ASIC5: variants seen among roughly 807,000 people sequenced by gnomAD.
The protein encoded by ASIC5 is acid sensing ion channel subunit family member 5, also known as bile acid-sensitive ion channel.
A neutral mutation model predicts 51.2 loss-of-function variants in ASIC5; 52 were observed. That is an observed-to-expected ratio of 1.02 (90% CI 0.81 to 1.28). The LOEUF is 1.28. ASIC5 is among the 50% of genes most tolerant of loss of function. The probability of loss-of-function intolerance (pLI) is 0.00; values close to 1 mark genes in which losing one functional copy is unlikely to be tolerated. For synonymous variants in ASIC5, 231 were observed against 200.7 expected (o/e 1.15, Z -1.28); for missense variants, 635 against 595.0 (o/e 1.07, Z -0.70).
At chr4:155,843,154 G>A (rs1436572758) in intron 5 of ASIC5, among the ~76,000 whole-genome samples, 1 of 152,140 alleles carries the variant, frequency 6.6e-6, no homozygotes, top group Non-Finnish European at 1.5e-5. Flanking sequence ...GCCCTTGGCT[G>A]TCTCCTGTGT....
chr4:155,844,505 C>T (rs1243086536), intron 4 of ASIC5, among the ~76,000 whole-genome samples: 1 of 151,976 alleles, frequency 6.6e-6, no homozygotes, highest in Non-Finnish European at 1.5e-5. Context: ...CATTAACAAC[C>T]AGCTGATGTT....
chr4:155,854,400 GCTT>G lies in ASIC5; in HGVS notation c.348-89_348-87del, dbSNP rs1414650410. 5 of 973,206 alleles carry G rather than the reference GCTT, an allele frequency of 5.1e-6. No homozygotes were observed. The Admixed American group carries it at 8.7e-5, about 17-fold the overall frequency. 60.3% of individuals were successfully genotyped at this position (973,206 alleles called of 1,614,324 possible). The stretch of plus-strand genomic sequence containing the variant: ...AGATACCAACATCTAGATTCTATTA[GCTT>G]CTTCTTATCTCCCACACTCTCCCTT... On this transcript the variant is annotated intron_variant, in intron 2 of 9. Coordinates refer to ENST00000537611, the MANE Select transcript of ASIC5 (RefSeq NM_017419.3).
At chr4:155,863,167 A>AC (rs1741757583) in intron 2 of ASIC5, among the ~76,000 whole-genome samples, 1 of 151,880 alleles carries the variant, frequency 6.6e-6, no homozygotes, top group African/African-American at 2.4e-5. Flanking sequence ...ATGTAGTGAA[A>AC]CCCCCATCTC....
rs1741462519 is a variant in ASIC5, at chr4:155,854,164, A to G, written c.498T>C (p.Ile166=). ...DFAASHQNFS[I]VEFIRNKGFY... ...AACCTTTGTTCCTGATAAATTCCAC[A>G]ATGCTGAAGTTTTGGTGACTTGCAG... The change falls in exon 3 of 10, where the codon ATT becomes ATC. Residue 166 remains isoleucine (I), a synonymous_variant. Transcript: ENST00000537611. The G allele has an allele frequency of 6.2e-7, 1 of 1,613,370 alleles. No individual in the cohort carries two copies. Among genetic ancestry groups the G allele is most frequent in the South Asian group, 1.1e-5 (1 of 91,078 alleles).
At chr4:155,857,197 C>A (rs1000510487) in intron 2 of ASIC5, among the ~76,000 whole-genome samples, 1 of 152,034 alleles carries the variant, frequency 6.6e-6, no homozygotes, top group African/African-American at 2.4e-5. Flanking sequence ...AAACATGGTT[C>A]ATTGCAGCCT....
In ASIC5 at chr4:155,830,034, C is replaced by A. The variant is rs1274795738; in HGVS notation, c.1340G>T (p.Gly447Val). ...GGCCCCACAAAATAGACCCAGCTGA[C>A]CACCAAGATCTGCTGTAATAAAACC... ...SVSELLADLG[G>V]QLGLFCGASL... Residue 447 changes from glycine (G) to valine (V), a missense_variant, in exon 10 of 10, where the codon GGT becomes GTT. Coordinates refer to ENST00000537611, the MANE Select transcript of ASIC5 (RefSeq NM_017419.3). 6.5e-7 allele frequency: 1 copy of A among 1,545,910 alleles called. No homozygotes were observed. The highest frequency in any genetic ancestry group is 2.0e-5 in the Admixed American group (1 of 49,330).
chr4:155,849,284 C>T (rs928617122), intron 4 of ASIC5, among the ~76,000 whole-genome samples: 10 of 151,958 alleles, frequency 6.6e-5, no homozygotes, highest in Admixed American at 2.0e-4. Context: ...ATCTTGGAAC[C>T]TCGAGTGGCG....
At chr4:155,860,327 A>G (rs760094501) in intron 2 of ASIC5, among the ~76,000 whole-genome samples, 1 of 151,896 alleles carries the variant, frequency 6.6e-6, no homozygotes, top group Non-Finnish European at 1.5e-5. Context: ...TAATAAATAA[A>G]TATACTTAGG....
intron 6 of ASIC5, among the ~76,000 whole-genome samples, chr4:155,839,138 A>C (rs1741060703): frequency 6.6e-6 from 1 of 152,174 alleles, no homozygotes; most frequent in Admixed American, 6.5e-5. Flanking sequence ...AAGCGGGAAT[A>C]ATAATTTTCA....
At chr4:155,830,593 T>A (rs1052305014) in intron 9 of ASIC5, among the ~76,000 whole-genome samples, 7 of 152,232 alleles carry the variant, frequency 4.6e-5, no homozygotes, top group African/African-American at 1.7e-4. Context: ...GTAAAATATA[T>A]ATACCCTAAA....
intron 8 of ASIC5, among the ~76,000 whole-genome samples, chr4:155,834,891 A>G (rs1740941703): frequency 6.6e-6 from 1 of 152,090 alleles, no homozygotes; most frequent in Admixed American, 6.5e-5. Flanking sequence ...CTGAACACCA[A>G]GGGGAGCTCG....
chr4:155,836,099 T>C (rs996388748), intron 8 of ASIC5, among the ~76,000 whole-genome samples: 5 of 152,180 alleles, frequency 3.3e-5, no homozygotes, highest in African/African-American at 9.7e-5. Context: ...GATTTGTAAT[T>C]TTTAAGAGGC....
chr4:155,835,412 G>A (rs1740955181), intron 8 of ASIC5, among the ~76,000 whole-genome samples: 1 of 139,144 alleles, frequency 7.2e-6, no homozygotes. Context: ...CTGAGTTTTG[G>A]AAAAAAAAAA....
At chr4:155,854,593 G>A (rs1229318027) in intron 2 of ASIC5, 2 of 452,832 alleles carry the variant, frequency 4.4e-6, no homozygotes, top group African/African-American at 4.0e-5. Context: ...AGGAAGAGGA[G>A]GGAATATATA....
intron 4 of ASIC5, among the ~76,000 whole-genome samples, chr4:155,844,826 C>T (rs35314500): frequency 0.64 from 97,877 of 151,792 alleles, 33,903 homozygotes; most frequent in East Asian, 0.79. Context: ...AAGTATCCCC[C>T]TCAGAAGAAT....
chr4:155,845,806 T>A (rs1741228013), intron 4 of ASIC5, among the ~76,000 whole-genome samples: 1 of 152,086 alleles, frequency 6.6e-6, no homozygotes, highest in African/African-American at 2.4e-5. Flanking sequence ...CCTTATGATA[T>A]AAAGTTTGCT....
chr4:155,854,596 A>AAT, intron 2 of ASIC5: 1 of 431,234 alleles, frequency 2.3e-6, no homozygotes, highest in Non-Finnish European at 4.1e-6. Flanking sequence ...AAGAGGAGGG[A>AAT]ATATATAGTT....
chr4:155,860,336 G>A (rs951360334), intron 2 of ASIC5, among the ~76,000 whole-genome samples: 13 of 151,560 alleles, frequency 8.6e-5, no homozygotes, highest in African/African-American at 3.1e-4. Flanking sequence ...AATATACTTA[G>A]GGTTATGGCT....
In ASIC5 at chr4:155,831,925, A is replaced by G; in HGVS notation, c.1236-10T>C. The G allele has an allele frequency of 7.2e-7, 1 of 1,380,816 alleles. No homozygotes were observed. The highest frequency in any genetic ancestry group is 1.0e-6 in the Non-Finnish European group (1 of 974,920). 85.5% of individuals were successfully genotyped at this position (1,380,816 alleles called of 1,614,324 possible). A position where few individuals can be genotyped will look rare whatever the true frequency, so the allele number is the denominator to read the frequency against. On this transcript the variant is annotated splice_polypyrimidine_tract_variant and intron_variant, in intron 8 of 9. Coordinates refer to ENST00000537611, the MANE Select transcript of ASIC5 (RefSeq NM_017419.3). Reference sequence around the variant, plus strand: ...TTTTACAAGATTCTCCCTAGGGATAAAAAAGAGAGTTAATATAGCTTAAGA... The same window carrying G: ...TTTTACAAGATTCTCCCTAGGGATAGAAAAGAGAGTTAATATAGCTTAAGA...
Sources: allele counts gnomAD v4.1 joint callset (sites outside exome capture counted in the v4.1 genomes callset), GRCh38; gene constraint gnomAD v4.1.1; transcripts MANE v1.5; gene names NCBI Gene and HGNC (gene_info 2026-07-23, HGNC 2026-07-21).